EIF2AK1: variants seen among roughly 807,000 people sequenced by gnomAD.
The protein encoded by EIF2AK1 is eukaryotic translation initiation factor 2-alpha kinase 1.
A neutral mutation model predicts 77.9 loss-of-function variants in EIF2AK1; 54 were observed. The observed-to-expected ratio is 0.69, with a 90% CI of 0.56 to 0.87. EIF2AK1 has a LOEUF of 0.87. Among genes scored for constraint, EIF2AK1 ranks in the 40% least tolerant of loss-of-function variants. The pLI is 0.00. For synonymous variants in EIF2AK1, 314 were observed against 290.5 expected, an observed-to-expected ratio of 1.08 and a Z score of -0.82; for missense variants, 810 against 768.6, an observed-to-expected ratio of 1.05 and a Z score of -0.64.
In EIF2AK1 at chr7:6,041,065, A is replaced by AT. The variant is rs1562750750; in HGVS notation, c.945dup (p.Ser316IlefsTer3). On this transcript the variant is annotated frameshift_variant, in exon 9 of 15. Coordinates refer to ENST00000199389, the MANE Select transcript of EIF2AK1 (RefSeq NM_014413.4). LOFTEE classifies it high-confidence loss of function. ...TCCAGGGTCGACTCAAGTTCACCAG[A>AT]TTCTCTTATGACTAAATTGGTGGTG... 2 of 1,614,042 alleles carry AT rather than the reference A, an allele frequency of 1.2e-6. No individual in the cohort carries two copies. Among genetic ancestry groups the AT allele is most frequent in the Non-Finnish European group, 8.5e-7 (1 of 1,179,990 alleles).
intron 2 of EIF2AK1, among the ~76,000 whole-genome samples, chr7:6,052,022 A>C (rs1788619234): frequency 6.6e-6 from 1 of 151,860 alleles, no homozygotes; most frequent in Non-Finnish European, 1.5e-5. Flanking sequence ...AATACAAAAA[A>C]TCAGCCGGGC....
intron 11 of EIF2AK1, among the ~76,000 whole-genome samples, chr7:6,029,446 T>C (rs1430197179): frequency 1.3e-5 from 2 of 151,890 alleles, no homozygotes; most frequent in African/African-American, 4.8e-5. Context: ...TGAACCAAGA[T>C]TGTGGCATTG....
chr7:6,044,310 C>CA (rs940624827), intron 7 of EIF2AK1, among the ~76,000 whole-genome samples: 11 of 143,224 alleles, frequency 7.7e-5, no homozygotes, highest in South Asian at 2.2e-4. Flanking sequence ...TAAAAAATAC[C>CA]AAAAAAAAAA....
chr7:6,028,193 G>T, intron 13 of EIF2AK1: 1 of 316,318 alleles, frequency 3.2e-6, no homozygotes, highest in Non-Finnish European at 6.3e-6. Context: ...ATTATCTACA[G>T]TACTCAGTTA....
chr7:6,043,150 C>G (rs931299841), intron 7 of EIF2AK1, among the ~76,000 whole-genome samples, 157 bp from the exon 8 acceptor site: 1 of 152,138 alleles, frequency 6.6e-6, no homozygotes, highest in African/African-American at 2.4e-5. Flanking sequence ...TCAAATGGCA[C>G]GTGTTAGGAA....
intron 12 of EIF2AK1, 61 bp from the exon 13 acceptor site, chr7:6,028,758 T>C (rs1583475813): frequency 6.5e-7 from 1 of 1,540,416 alleles, no homozygotes; most frequent in Non-Finnish European, 9.0e-7. Context: ...TTAAAGAACA[T>C]TTACTATGAG....
chr7:6,047,283 C>A, intron 4 of EIF2AK1, 192 bp from the exon 5 acceptor site: 1 of 698,134 alleles, frequency 1.4e-6, no homozygotes, highest in Non-Finnish European at 2.6e-6. Flanking sequence ...TTACCAGTAA[C>A]GGGTATTCCA....
intron 3 of EIF2AK1, among the ~76,000 whole-genome samples, chr7:6,049,443 T>A (rs1788541695): frequency 6.6e-6 from 1 of 152,096 alleles, no homozygotes; most frequent in Non-Finnish European, 1.5e-5. Flanking sequence ...CTTGGGAGGC[T>A]AAGGCAGGAG....
chr7:6,031,337 C>A, intron 11 of EIF2AK1: 3 of 1,526,232 alleles, frequency 2.0e-6, no homozygotes, highest in Non-Finnish European at 2.7e-6. Context: ...CTGACCAATT[C>A]CATAACAACA....
rs755446520 is a variant in EIF2AK1 at position 6,058,991 on chromosome 7, G to C, written c.93C>G (p.Ala31=). 2.6e-6 allele frequency: 4 copies of C among 1,541,466 alleles called. No homozygotes were observed. The highest frequency in any genetic ancestry group is 2.7e-5 in the East Asian group (1 of 37,050). Residue 31 remains alanine (A), a synonymous_variant, in exon 1 of 15, where the codon GCC becomes GCG. Transcript: ENST00000199389. ...CGTCATATTCGGGGTCCGGGCCCTC[G>C]GCGGGAAAGTCGATGGCCGGCGGCG... The part of the protein sequence containing the change: ...VAAPPAIDFP[A]EGPDPEYDES...
At chr7:6,049,858 C>G in intron 3 of EIF2AK1, 54 bp downstream of exon 3, 1 of 1,480,378 alleles carries the variant, frequency 6.8e-7, no homozygotes, top group Non-Finnish European at 9.2e-7. Flanking sequence ...ATATAATTAT[C>G]TTAAAATTAA....
Position 6,059,059 on chromosome 7 carries a change from G to A in EIF2AK1, c.25C>T (p.Arg9Cys), listed in dbSNP as rs760783908. The A allele has an allele frequency of 5.4e-6, 8 of 1,484,892 alleles. No individual in the cohort carries two copies. Among genetic ancestry groups the A allele is most frequent in the Non-Finnish European group, 7.1e-6 (8 of 1,123,434 alleles). 92.0% of individuals were successfully genotyped at this position (1,484,892 alleles called of 1,614,324 possible). A position where few individuals can be genotyped will look rare whatever the true frequency, so the allele number is the denominator to read the frequency against. The change falls in exon 1 of 15, where the codon CGC (arginine) becomes TGC (cysteine). Residue 9 changes from arginine (R) to cysteine (C), a missense_variant. By Grantham distance (180) the Arg-to-Cys change is radical. Transcript: ENST00000199389. Reference protein sequence around the residue: MQGGNSGVRKREEEGDGAG... With the variant: MQGGNSGVCKREEEGDGAG... ...CCGTCGCCCTCCTCTTCGCGCTTGCGGACCCCGGAGTTGCCCCCCTGCATC... is the reference window on the plus strand; with the variant it reads ...CCGTCGCCCTCCTCTTCGCGCTTGCAGACCCCGGAGTTGCCCCCCTGCATC...
At chr7:6,042,690 C>G (rs568429944) in intron 8 of EIF2AK1, among the ~76,000 whole-genome samples, 1 of 152,138 alleles carries the variant, frequency 6.6e-6, no homozygotes, top group East Asian at 1.9e-4. Context: ...CACGGTGAAA[C>G]CCCGTCTCTA....
chr7:6,023,728 G>C lies in EIF2AK1; in HGVS notation c.*945C>G. On this transcript the variant is annotated 3_prime_UTR_variant, in exon 15 of 15. Coordinates refer to ENST00000199389, the MANE Select transcript of EIF2AK1 (RefSeq NM_014413.4). ...TGATTTTAAAGGGTTTAGATTTTAA[G>C]AATGGTGCTCTTTCATGCCTATTAT... 2 of 1,614,078 alleles carry C rather than the reference G, an allele frequency of 1.2e-6. No individual in the cohort carries two copies. Among genetic ancestry groups the C allele is most frequent in the Non-Finnish European group, 1.7e-6 (2 of 1,179,992 alleles).
chr7:6,043,413 T>G (rs973236558), intron 7 of EIF2AK1, among the ~76,000 whole-genome samples: 3 of 152,058 alleles, frequency 2.0e-5, no homozygotes, highest in African/African-American at 7.2e-5. Context: ...TCCTCATCTC[T>G]ATTTTTAAAA....
Position 6,028,967 on chromosome 7 carries a change from G to A in EIF2AK1, c.1398C>T (p.Cys466=), listed in dbSNP as rs1162794323. 2 of 1,612,422 alleles carry A rather than the reference G, an allele frequency of 1.2e-6. No individual in the cohort carries two copies. Among genetic ancestry groups the A allele is most frequent in the East Asian group, 2.2e-5 (1 of 44,892 alleles). The change falls in exon 12 of 15, where the codon TGC becomes TGT. Residue 466 remains cysteine, a synonymous_variant. Transcript: ENST00000199389. ...QVKIGDFGLA[C]TDILQKNTDW... ...CTGTGTTCTTCTGTAGGATGTCTGT[G>A]CAGGCCAGACCAAAGTCTCCTATTT... is the stretch of plus-strand genomic sequence containing the variant.
At position 6,023,204 on chromosome 7, in the gene EIF2AK1, T is replaced by A; in HGVS notation, c.*1469A>T. On this transcript the variant is annotated 3_prime_UTR_variant, in exon 15 of 15. Transcript: ENST00000199389. The stretch of plus-strand genomic sequence containing the variant: ...CTTGAAAACACCCTTTCCCATGTCA[T>A]CAGTCTGTGGTGTTTGGTGACTGTC... 1.5e-6 allele frequency: 2 copies of A among 1,347,880 alleles called. No individual in the cohort carries two copies. Among genetic ancestry groups the A allele is most frequent in the Non-Finnish European group, 2.0e-6 (2 of 999,786 alleles). 83.5% of individuals were successfully genotyped at this position (1,347,880 alleles called of 1,614,324 possible). A position where few individuals can be genotyped will look rare whatever the true frequency, so the allele number is the denominator to read the frequency against.
intron 8 of EIF2AK1, among the ~76,000 whole-genome samples, chr7:6,041,466 G>A (rs1156906937): frequency 1.3e-5 from 2 of 151,962 alleles, no homozygotes; most frequent in African/African-American, 2.4e-5. Context: ...TCGAACCCAG[G>A]AGATGGAGGT....
intron 11 of EIF2AK1, among the ~76,000 whole-genome samples, chr7:6,030,015 G>C (rs1031402073): frequency 6.6e-6 from 1 of 152,048 alleles, no homozygotes; most frequent in Non-Finnish European, 1.5e-5. Flanking sequence ...CTGTCCTGTC[G>C]AGTCCAGAGA....
Sources: allele counts gnomAD v4.1 joint callset (sites outside exome capture counted in the v4.1 genomes callset), GRCh38; gene constraint gnomAD v4.1.1; transcripts MANE v1.5; gene names NCBI Gene and HGNC (gene_info 2026-07-23, HGNC 2026-07-21).